The following DHX29 variants were observed in gnomAD, a reference collection of about 807,000 sequenced individuals.
DHX29 encodes DExH-box helicase 29.
Under a neutral mutation model 167.9 loss-of-function variants are expected in DHX29, and 79 were observed. That is an observed-to-expected ratio of 0.47 (90% CI 0.39 to 0.57). The LOEUF (loss-of-function observed/expected upper bound fraction) is 0.57. Ranked by LOEUF, DHX29 falls within the 20% of genes least tolerant of loss-of-function variation. The pLI is 0.00. For synonymous variants in DHX29, 530 were observed against 546.0 expected (o/e 0.97, Z 0.41); for missense variants, 1,347 against 1,593.4 (o/e 0.85, Z 2.63).
chr5:55,284,253 T>A (rs1249904000), intron 10 of DHX29, among the ~76,000 whole-genome samples: 1 of 152,234 alleles, frequency 6.6e-6, no homozygotes, highest in East Asian at 1.9e-4. Flanking sequence ...TGAACAAATG[T>A]CTATTACTTA....
At chr5:55,256,888 A>G (rs1436649473) in intron 26 of DHX29, among the ~76,000 whole-genome samples, 2 of 152,340 alleles carry the variant, frequency 1.3e-5, no homozygotes, top group Admixed American at 1.3e-4. Flanking sequence ...AAGTTTCTCA[A>G]CTTTTTCACT....
chr5:55,295,396 C>T lies in DHX29; in HGVS notation c.634G>A (p.Glu212Lys). The T allele has an allele frequency of 1.2e-6, 2 of 1,612,428 alleles. No individual in the cohort carries two copies. Among genetic ancestry groups the T allele is most frequent in the Non-Finnish European group, 1.7e-6 (2 of 1,178,578 alleles). ...CAAATTACCTTACTCTTAGGGTCCT[C>T]TTCATATGTTTTTGTTTTAGGTTGC... ...PLQPKTKTYE[E>K]DPKSKPKKEE... The change falls in exon 5 of 27, where the codon GAG (glutamate) becomes AAG (lysine). Residue 212 changes from glutamate to lysine, a missense_variant. Glu to Lys is a moderately conservative substitution (Grantham distance 56). Coordinates refer to ENST00000251636, the MANE Select transcript of DHX29 (RefSeq NM_019030.4).
At chr5:55,301,024 G>A (rs1199100860) in intron 1 of DHX29, among the ~76,000 whole-genome samples, 9 of 152,176 alleles carry the variant, frequency 5.9e-5, no homozygotes, top group Non-Finnish European at 1.0e-4. Context: ...CTTACTCAGA[G>A]AAACTGAGCT....
rs748448665 is a variant in DHX29 at position 55,256,482 on chromosome 5, TCA to T, written c.*4_*5del. On this transcript the variant is annotated 3_prime_UTR_variant, in exon 27 of 27. Transcript: ENST00000251636. Reference sequence around the variant, plus strand: ...TTTTTAAAGCAGTTGACCATGAATTTCAGTTTCAGTTATTCTCTGTTTTTATC... The same window carrying T: ...TTTTTAAAGCAGTTGACCATGAATTTGTTTCAGTTATTCTCTGTTTTTATC... 3.8e-6 allele frequency: 6 copies of T among 1,593,038 alleles called. No individual in the cohort carries two copies. Among genetic ancestry groups the T allele is most frequent in the Non-Finnish European group, 3.4e-6 (4 of 1,172,726 alleles).
At position 55,277,267 on chromosome 5, in the gene DHX29, C is replaced by T; in HGVS notation, c.2125G>A (p.Val709Ile). 17 of 1,599,632 alleles carry T rather than the reference C, an allele frequency of 1.1e-5. No individual in the cohort carries two copies. Among genetic ancestry groups the T allele is most frequent in the Non-Finnish European group, 1.4e-5 (17 of 1,172,642 alleles). ...ATAATTAGTAGGAAGTCTGACTGGA[C>T]ACTTCTTTCATGAACCTAGTTTTAA... ...VIVDEVHERSVQSDFLLIILK... is the reference protein window; with the variant it reads ...VIVDEVHERSIQSDFLLIILK... Residue 709 changes from valine to isoleucine, a missense_variant, in exon 13 of 27, where the codon GTC (valine) becomes ATC (isoleucine). Around this residue, in one of 3 missense-constraint regions of DHX29, gnomAD observed 882 missense variants for 1,082.4 expected, o/e 0.81. Coordinates refer to ENST00000251636, the MANE Select transcript of DHX29 (RefSeq NM_019030.4).
chr5:55,282,550 C>T (rs765429624), intron 11 of DHX29, among the ~76,000 whole-genome samples: 3 of 152,130 alleles, frequency 2.0e-5, no homozygotes, highest in Non-Finnish European at 4.4e-5. Context: ...AATATGCCAT[C>T]TCCAGAAAGA....
intron 8 of DHX29, 149 bp from the exon 9 acceptor site, chr5:55,286,010 T>C: frequency 3.8e-6 from 2 of 524,222 alleles, no homozygotes; most frequent in Non-Finnish European, 6.2e-6. Flanking sequence ...ATCCCAGCAC[T>C]TTGGGAGGCC....
At position 55,290,401 on chromosome 5, in the gene DHX29, A is replaced by C. The variant is rs142823695; in HGVS notation, c.781-57T>G. The C allele has an allele frequency of 1.3e-4, 200 of 1,527,144 alleles. No homozygotes were observed. In the African/African-American group the frequency reaches 2.4e-3, roughly 18 times the overall value. The allele number at this position is 1,527,144 out of a possible 1,614,324, so 94.6% of individuals were successfully genotyped here. A position where few individuals can be genotyped will look rare whatever the true frequency, so the allele number is the denominator to read the frequency against. On this transcript the variant is annotated intron_variant, in intron 6 of 26. Coordinates refer to ENST00000251636, the MANE Select transcript of DHX29 (RefSeq NM_019030.4). ...AAAAAAAGAAGAGCAAGATTAGTTT[A>C]TCTATGGTCAATAAACTGTATCAAA...
In DHX29 at chr5:55,285,868, T is replaced by G; in HGVS notation, c.1067-7A>C. 2 of 1,544,182 alleles carry G rather than the reference T, an allele frequency of 1.3e-6. No individual in the cohort carries two copies. The highest frequency in any genetic ancestry group is 1.8e-6 in the Non-Finnish European group (2 of 1,138,332). ...TGAGGTTCTTTCTTTTTATCTAAAA[T>G]GGTAAACAAAGATTGGTTCTTTAAA... On this transcript the variant is annotated splice_polypyrimidine_tract_variant and splice_region_variant and intron_variant, in intron 8 of 26. Coordinates refer to ENST00000251636, the MANE Select transcript of DHX29 (RefSeq NM_019030.4).
intron 18 of DHX29, among the ~76,000 whole-genome samples, chr5:55,271,247 T>C (rs1408321683): frequency 6.6e-6 from 1 of 152,212 alleles, no homozygotes; most frequent in African/African-American, 2.4e-5. Context: ...AATATAAACA[T>C]TATTTATACA....
chr5:55,300,477 A>T (rs1287930128), intron 1 of DHX29, among the ~76,000 whole-genome samples: 2 of 152,202 alleles, frequency 1.3e-5, no homozygotes, highest in Non-Finnish European at 2.9e-5. Context: ...GTTTGAGACC[A>T]GCCTGGCCAA....
chr5:55,263,032 G>A, intron 23 of DHX29, 100 bp from the exon 24 acceptor site: 3 of 872,166 alleles, frequency 3.4e-6, no homozygotes, highest in South Asian at 1.8e-5. Flanking sequence ...AAAATTGACA[G>A]GATGCTAATG....
At chr5:55,259,739 G>A (rs1233072687) in intron 26 of DHX29, 109 bp downstream of exon 26, 14 of 593,740 alleles carry the variant, frequency 2.4e-5, no homozygotes, top group Non-Finnish European at 4.2e-5. Context: ...TTATGGGCGT[G>A]AGCCACCGTG....
intron 3 of DHX29, 34 bp downstream of exon 3, chr5:55,297,251 A>G (rs1188576104): frequency 2.0e-6 from 2 of 1,024,812 alleles, no homozygotes; most frequent in Non-Finnish European, 3.1e-6. Context: ...ATGCTTCACT[A>G]AAACTAAGGA....
At chr5:55,266,288 G>T (rs1746563972) in intron 23 of DHX29, among the ~76,000 whole-genome samples, 1 of 150,394 alleles carries the variant, frequency 6.6e-6, no homozygotes, top group South Asian at 2.1e-4. Flanking sequence ...GAGCCACTGC[G>T]CCCAGTCCTT....
intron 21 of DHX29, among the ~76,000 whole-genome samples, chr5:55,268,746 T>C (rs1326453013): frequency 6.6e-6 from 1 of 152,030 alleles, no homozygotes; most frequent in African/African-American, 2.4e-5. Context: ...CAGATTTGAA[T>C]TTGTTAATTC....
At chr5:55,259,348 A>G (rs549148473) in intron 26 of DHX29, among the ~76,000 whole-genome samples, 61 of 152,316 alleles carry the variant, frequency 4.0e-4, no homozygotes, top group African/African-American at 1.3e-3. Flanking sequence ...GTTTGATGGA[A>G]TTCAGCATAA....
In DHX29 at chr5:55,283,633, T is replaced by G. The variant is rs527449953; in HGVS notation, c.1535A>C (p.Asn512Thr). The change falls in exon 11 of 27, where the codon AAT becomes ACT. Residue 512 changes from asparagine (N) to threonine (T), a missense_variant. Coordinates refer to ENST00000251636, the MANE Select transcript of DHX29 (RefSeq NM_019030.4). ...QQQQQQQHSE[N>T]KRENSEDPEE... The stretch of plus-strand genomic sequence containing the variant: ...GGGATCTTCAGAGTTTTCTCTCTTA[T>G]TTTCAGAATGCTGTTGTTGCTGCTG... 4.6e-5 allele frequency: 74 copies of G among 1,614,048 alleles called. 2 individuals carry two copies. The South Asian group carries it at 6.9e-4, about 15-fold the overall frequency.
Position 55,290,243 on chromosome 5 carries a change from C to T in DHX29, c.882G>A (p.Gln294=). The T allele has an allele frequency of 1.2e-6, 2 of 1,609,632 alleles. No individual in the cohort carries two copies. Among genetic ancestry groups the T allele is most frequent in the Non-Finnish European group, 1.7e-6 (2 of 1,179,174 alleles). The change falls in exon 7 of 27, where the codon CAG becomes CAA. Residue 294 remains glutamine (Q), a synonymous_variant. Transcript: ENST00000251636. ...EKNKQGQKEA[Q]EKIRKFQREM... ...CTCTTTGAAATTTCCTTATTTTTTC[C>T]TGAGCCTCTTTTTGGCCTTGCTTGT... is the stretch of plus-strand genomic sequence containing the variant.
Sources: gnomAD v4.1 joint callset for allele counts (sites outside exome capture counted in the v4.1 genomes callset) on GRCh38, gnomAD v4.1.1 for gene constraint, gnomAD v4.1.1 regional missense constraint, MANE v1.5 for transcripts, NCBI Gene and HGNC (gene_info 2026-07-23, HGNC 2026-07-21) for gene names.